FAM83B: variants seen among roughly 807,000 people sequenced by gnomAD.
FAM83B encodes scaffolding CK1 anchoring protein B, also known as protein FAM83B.
Under a neutral mutation model 38.8 loss-of-function variants are expected in FAM83B, and 26 were observed. That is an observed-to-expected ratio of 0.67 (90% CI 0.49 to 0.93). The LOEUF (loss-of-function observed/expected upper bound fraction) is 0.93. Ranked by LOEUF, FAM83B falls within the 40% of genes least tolerant of loss-of-function variation. The pLI is 0.00. For synonymous variants in FAM83B, 419 were observed against 423.1 expected (o/e 0.99, Z 0.12); for missense variants, 1,237 against 1,197.3 (o/e 1.03, Z -0.49).
intron 1 of FAM83B, among the ~76,000 whole-genome samples, chr6:54,854,962 A>C (rs1277792581): frequency 2.0e-5 from 3 of 152,222 alleles, no homozygotes; most frequent in Non-Finnish European, 2.9e-5. Flanking sequence ...TCATCTGATC[A>C]AGACCAAAGG....
chr6:54,870,299 A>G lies in FAM83B; in HGVS notation c.53A>G (p.Asn18Ser). The change falls in exon 2 of 5, where the codon AAC becomes AGC. Residue 18 changes from asparagine to serine, a missense_variant. Physicochemically the swap from Asn to Ser is conservative, Grantham distance 46. Transcript: ENST00000306858. ...SSLNDECKSD[N>S]YIEPHYKEWY... ...TTGAATGATGAGTGTAAATCTGACA[A>G]CTACATTGAGCCTCACTACAAGGAA... 2.5e-6 allele frequency: 4 copies of G among 1,614,006 alleles called. No individual in the cohort carries two copies. The highest frequency in any genetic ancestry group is 2.5e-6 in the Non-Finnish European group (3 of 1,179,926).
rs1000314222 is a variant in FAM83B at position 54,885,024 on chromosome 6, G to A, written c.444+14334G>A. ...CCTGACCTCGTGATCTGCCCGCCTC[G>A]GCCTCCCAAAGTGCTGGGATTACAG... On this transcript the variant is annotated intron_variant, in intron 2 of 4. Coordinates refer to ENST00000306858, the MANE Select transcript of FAM83B (RefSeq NM_001010872.3). 4.6e-5 allele frequency among the ~76,000 whole-genome samples: 7 copies of A among 152,054 alleles called. No homozygotes were observed. In the East Asian group the frequency reaches 5.8e-4, roughly 13 times the overall value.
chr6:54,876,808 G>C (rs12211168), intron 2 of FAM83B, among the ~76,000 whole-genome samples: 56,064 of 151,880 alleles, frequency 0.37, 12,622 homozygotes, highest in Non-Finnish European at 0.51. Context: ...TTGAGGTAGT[G>C]TTACTGACTA....
In FAM83B at chr6:54,907,486, CT is replaced by C. The variant is rs1772800178; in HGVS notation, c.445-18882del. ...CTGCATCTCTTCAGTTCTTTATTCT[CT>C]TTGCTCTCACTTGATCTTTACTTTC... On this transcript the variant is annotated intron_variant, in intron 2 of 4. Transcript: ENST00000306858. Among the ~76,000 whole-genome samples the C allele has an allele frequency of 2.0e-5, 3 of 152,102 alleles. No homozygotes were observed. The South Asian group carries it at 6.2e-4, about 31-fold the overall frequency.
At chr6:54,913,777 T>C (rs1772970825) in intron 2 of FAM83B, among the ~76,000 whole-genome samples, 1 of 152,086 alleles carries the variant, frequency 6.6e-6, no homozygotes, top group South Asian at 2.1e-4. Context: ...TCAGTAATTA[T>C]CAACTTGTGG....
chr6:54,911,980 T>G (rs1256253694), intron 2 of FAM83B, among the ~76,000 whole-genome samples: 2 of 152,096 alleles, frequency 1.3e-5, no homozygotes, highest in Non-Finnish European at 2.9e-5. Context: ...CCACATTTAA[T>G]GTACTGCTCC....
chr6:54,892,428 C>G (rs1202171663), intron 2 of FAM83B, among the ~76,000 whole-genome samples: 1 of 152,042 alleles, frequency 6.6e-6, no homozygotes, highest in Non-Finnish European at 1.5e-5. Context: ...CTCCCACCCT[C>G]TACTCTCCAA....
chr6:54,927,555 A>G lies in FAM83B; in HGVS notation c.657A>G (p.Thr219=). ...TVKGQDYLSK[T]GAKFHGKMEQ... is the part of the protein sequence containing the mutation. ...AAGGCCAAGATTATCTTTCAAAAACAGGGGCAAAATTCCATGGAAAAATGG... is the reference window on the plus strand; with the variant it reads ...AAGGCCAAGATTATCTTTCAAAAACGGGGGCAAAATTCCATGGAAAAATGG... The change falls in exon 4 of 5, where the codon ACA becomes ACG. Residue 219 remains threonine, a synonymous_variant. Transcript: ENST00000306858. The G allele has an allele frequency of 6.2e-7, 1 of 1,608,982 alleles. No individual in the cohort carries two copies. The highest frequency in any genetic ancestry group is 8.5e-7 in the Non-Finnish European group (1 of 1,176,854).
In FAM83B at chr6:54,941,166, G is replaced by T; in HGVS notation, c.2195G>T (p.Gly732Val). The T allele has an allele frequency of 6.2e-7, 1 of 1,614,018 alleles. No homozygotes were observed. Among genetic ancestry groups the T allele is most frequent in the Non-Finnish European group, 8.5e-7 (1 of 1,179,976 alleles). ...EEVTKRNSPS[G>V]TTTKSVSIAA... ...GTTACCAAGAGAAACTCTCCAAGTG[G>T]CACTACTACCAAATCAGTTTCCATT... The change falls in exon 5 of 5, where the codon GGC (glycine) becomes GTC (valine). Residue 732 changes from glycine (G) to valine (V), a missense_variant. Physicochemically the swap from Gly to Val is moderately radical, Grantham distance 109. Transcript: ENST00000306858.
intron 4 of FAM83B, among the ~76,000 whole-genome samples, chr6:54,935,965 T>C (rs1403169414): frequency 6.6e-6 from 1 of 152,076 alleles, no homozygotes; most frequent in Non-Finnish European, 1.5e-5. Flanking sequence ...TGACAACTTA[T>C]GAGTCATACA....
At chr6:54,874,116 G>C (rs1771931173) in intron 2 of FAM83B, among the ~76,000 whole-genome samples, 1 of 151,962 alleles carries the variant, frequency 6.6e-6, no homozygotes, top group South Asian at 2.1e-4. Context: ...TCTAGCTTAA[G>C]TTATATAGTT....
intron 4 of FAM83B, among the ~76,000 whole-genome samples, chr6:54,934,438 C>T (rs1422925654): frequency 3.3e-5 from 5 of 152,118 alleles, no homozygotes; most frequent in Admixed American, 1.3e-4. Context: ...GGAGAATCCC[C>T]GACTATCAAT....
At chr6:54,917,230 A>G (rs1773064309) in intron 2 of FAM83B, among the ~76,000 whole-genome samples, 1 of 152,194 alleles carries the variant, frequency 6.6e-6, no homozygotes, top group Non-Finnish European at 1.5e-5. Flanking sequence ...GAAATATATC[A>G]GTTATAACTA....
chr6:54,858,827 A>T (rs997766153), intron 1 of FAM83B, among the ~76,000 whole-genome samples: 9 of 152,138 alleles, frequency 5.9e-5, no homozygotes, highest in Non-Finnish European at 1.3e-4. Flanking sequence ...TCTTCTTCTG[A>T]CAAAGTTCTC....
chr6:54,933,309 G>T (rs1773462506), intron 4 of FAM83B, among the ~76,000 whole-genome samples: 1 of 151,078 alleles, frequency 6.6e-6, no homozygotes, highest in Non-Finnish European at 1.5e-5. Flanking sequence ...TTATTTTATA[G>T]TTTATCTTTG....
At chr6:54,898,813 A>G (rs555697398) in intron 2 of FAM83B, among the ~76,000 whole-genome samples, 2 of 152,242 alleles carry the variant, frequency 1.3e-5, no homozygotes, top group African/African-American at 4.8e-5. Context: ...CACATGCTCT[A>G]CTTTAGGCAT....
rs142725899 is a variant in FAM83B at position 54,892,755 on chromosome 6, A to T, written c.444+22065A>T. 1.4e-3 allele frequency among the ~76,000 whole-genome samples: 219 copies of T among 151,450 alleles called. 1 individual carries two copies. The highest frequency in any genetic ancestry group is 5.0e-3 in the African/African-American group (209 of 41,398). ...TTTAAACACCAAATTTAAATGTTAC[A>T]TGTGATAATTTTAAAATACATTTAC... On this transcript the variant is annotated intron_variant, in intron 2 of 4. Transcript: ENST00000306858.
chr6:54,906,834 G>A (rs983381049), intron 2 of FAM83B, among the ~76,000 whole-genome samples: 5 of 152,096 alleles, frequency 3.3e-5, no homozygotes, highest in African/African-American at 9.7e-5. Flanking sequence ...TTATATTTCA[G>A]TCCAAGTAAT....
At chr6:54,879,511 C>T (rs1772075519) in intron 2 of FAM83B, among the ~76,000 whole-genome samples, 3 of 152,048 alleles carry the variant, frequency 2.0e-5, no homozygotes, top group Non-Finnish European at 4.4e-5. Flanking sequence ...GTAGGAGGTC[C>T]CTTTTTTTAA....
Sources: allele counts gnomAD v4.1 joint callset (sites outside exome capture counted in the v4.1 genomes callset), GRCh38; gene constraint gnomAD v4.1.1; transcripts MANE v1.5; gene names NCBI Gene and HGNC (gene_info 2026-07-23, HGNC 2026-07-21).